PRKG1: variants seen among roughly 807,000 people sequenced by gnomAD.
PRKG1 encodes cGMP-dependent protein kinase 1.
A neutral mutation model predicts 88.1 loss-of-function variants in PRKG1; 35 were observed. That is an observed-to-expected ratio of 0.40 (90% CI 0.30 to 0.53). PRKG1 has a LOEUF of 0.53. PRKG1 is among the 20% of genes least tolerant of loss of function. The probability of loss-of-function intolerance (pLI) is 0.59; values close to 1 mark genes in which losing one functional copy is unlikely to be tolerated. For missense variants in PRKG1, 540 were observed against 839.8 expected, an observed-to-expected ratio of 0.64 and a Z score of 4.41; for synonymous variants, 303 against 292.5, an observed-to-expected ratio of 1.04 and a Z score of -0.37.
chr10:51,164,862 G>T (rs1435205045), intron 2 of PRKG1, among the ~76,000 whole-genome samples: 1 of 152,116 alleles, frequency 6.6e-6, no homozygotes, highest in African/African-American at 2.4e-5. Flanking sequence ...AGAATAAAAA[G>T]AAACGAACAA....
intron 3 of PRKG1, among the ~76,000 whole-genome samples, chr10:51,783,024 G>A (rs1375729109): frequency 2.0e-5 from 3 of 151,876 alleles, no homozygotes; most frequent in African/African-American, 7.3e-5. Flanking sequence ...TGATTCATAT[G>A]TACATTTAAG....
chr10:51,640,573 T>C (rs1238901372), intron 3 of PRKG1, among the ~76,000 whole-genome samples: 1 of 152,142 alleles, frequency 6.6e-6, no homozygotes, highest in Non-Finnish European at 1.5e-5. Flanking sequence ...CTTTTGCAGC[T>C]GTGAATTATT....
chr10:51,031,952 G>T (rs1412669105), intron 1 of PRKG1, among the ~76,000 whole-genome samples: 2 of 152,150 alleles, frequency 1.3e-5, no homozygotes. Flanking sequence ...AGCCTATTGA[G>T]CAATATAGCA....
chr10:51,186,052 G>T (rs1837477535), intron 2 of PRKG1, among the ~76,000 whole-genome samples: 1 of 151,712 alleles, frequency 6.6e-6, no homozygotes, highest in African/African-American at 2.4e-5. Flanking sequence ...CCATATGCAT[G>T]TTTTGCTTGA....
At chr10:51,452,456 G>A (rs10430468) in intron 2 of PRKG1, among the ~76,000 whole-genome samples, 20,123 of 151,800 alleles carry the variant, frequency 0.13, 1,693 homozygotes, top group Admixed American at 0.24. Flanking sequence ...TTACCTTGAG[G>A]TATGTCCCTT....
intron 2 of PRKG1, among the ~76,000 whole-genome samples, chr10:51,289,795 A>G (rs1840535599): frequency 6.6e-6 from 1 of 152,074 alleles, no homozygotes; most frequent in East Asian, 1.9e-4. Flanking sequence ...ACATTCACAC[A>G]GACAACCCAA....
intron 2 of PRKG1, among the ~76,000 whole-genome samples, chr10:51,439,940 T>G (rs74970992): frequency 6.6e-6 from 1 of 151,962 alleles, no homozygotes; most frequent in Non-Finnish European, 1.5e-5. Context: ...AATGAAATAC[T>G]GCAAAGTAGA....
intron 2 of PRKG1, among the ~76,000 whole-genome samples, chr10:51,415,930 T>A (rs972044174): frequency 1.3e-5 from 2 of 152,172 alleles, no homozygotes; most frequent in East Asian, 3.9e-4. Flanking sequence ...TGTGTGTGTG[T>A]GTGTGTGTGT....
intron 3 of PRKG1, among the ~76,000 whole-genome samples, chr10:51,506,998 G>T (rs1158988048): frequency 2.0e-5 from 3 of 152,148 alleles, no homozygotes; most frequent in African/African-American, 7.2e-5. Context: ...CATGTCCTTT[G>T]TAGGGACATG....
chr10:51,916,157 G>T (rs946233609), intron 5 of PRKG1, among the ~76,000 whole-genome samples: 2 of 152,120 alleles, frequency 1.3e-5, no homozygotes, highest in Non-Finnish European at 2.9e-5. Flanking sequence ...CTACTGGGCT[G>T]CATTCCCAGA....
chr10:51,392,229 T>G (rs1837423241), intron 2 of PRKG1, among the ~76,000 whole-genome samples: 1 of 151,946 alleles, frequency 6.6e-6, no homozygotes, highest in African/African-American at 2.4e-5. Context: ...GGTCAGCAGA[T>G]AAACAAGTGA....
chr10:51,825,828 G>T (rs968820577), intron 4 of PRKG1, among the ~76,000 whole-genome samples: 1 of 152,146 alleles, frequency 6.6e-6, no homozygotes, highest in Non-Finnish European at 1.5e-5. Flanking sequence ...AGGGCAGAGA[G>T]GGTCAGTCAT....
intron 1 of PRKG1, among the ~76,000 whole-genome samples, chr10:51,092,671 T>C (rs1381690560): frequency 6.6e-6 from 1 of 152,188 alleles, no homozygotes; most frequent in African/African-American, 2.4e-5. Context: ...GTAGCACTGT[T>C]AGCTTGCTTT....
intron 3 of PRKG1, among the ~76,000 whole-genome samples, chr10:51,706,338 T>A (rs1341045976): frequency 2.0e-5 from 3 of 152,216 alleles, no homozygotes; most frequent in African/African-American, 7.2e-5. Context: ...TCCAAAGTGC[T>A]GGGAGTGAGC....
chr10:51,545,707 G>A (rs1047342657), intron 3 of PRKG1, among the ~76,000 whole-genome samples: 4 of 152,090 alleles, frequency 2.6e-5, no homozygotes, highest in African/African-American at 4.8e-5. Context: ...TTTCCCCAGT[G>A]TATGTACAAA....
At chr10:51,907,454 A>T in intron 4 of PRKG1, 53 bp from the exon 5 acceptor site, 1 of 1,370,034 alleles carries the variant, frequency 7.3e-7, no homozygotes, top group Non-Finnish European at 1.0e-6. Flanking sequence ...TTTATTACTT[A>T]TGAAAGTAAG....
chr10:51,649,909 C>T (rs1193177715), intron 3 of PRKG1, among the ~76,000 whole-genome samples: 2 of 152,186 alleles, frequency 1.3e-5, no homozygotes, highest in African/African-American at 4.8e-5. Flanking sequence ...GGTCACATTC[C>T]TGTGCAAACA....
rs148833539 is a variant in PRKG1, at chr10:51,984,085, C to T, written c.763-70399C>T. 3.0e-3 allele frequency among the ~76,000 whole-genome samples: 452 copies of T among 152,150 alleles called. 1 individual carries two copies. The highest frequency in any genetic ancestry group is 9.4e-3 in the African/African-American group (389 of 41,542). On this transcript the variant is annotated intron_variant, in intron 5 of 17. Transcript: ENST00000373980. ...TTACAGACACATTAACCACCTTGTG[C>T]GGTGTGAGAGGATATATGTGATACT...
chr10:51,690,365 AT>A (rs1214649555), intron 3 of PRKG1, among the ~76,000 whole-genome samples: 2 of 152,160 alleles, frequency 1.3e-5, no homozygotes, highest in African/African-American at 4.8e-5. Context: ...ACACATAAGG[AT>A]TTTGAATTTT....
Sources: allele counts gnomAD v4.1 joint callset (sites outside exome capture counted in the v4.1 genomes callset), GRCh38; gene constraint gnomAD v4.1.1; transcripts MANE v1.5; gene names NCBI Gene and HGNC (gene_info 2026-07-23, HGNC 2026-07-21).